Variants in PARD3B observed in about 807,000 individuals in gnomAD.
PARD3B encodes the protein par-3 family cell polarity regulator beta.
A neutral mutation model predicts 130.2 loss-of-function variants in PARD3B; 103 were observed. The ratio of observed to expected loss-of-function variants is 0.79; its 90% CI spans 0.67 to 0.93. PARD3B has a LOEUF of 0.93. Among genes scored for constraint, PARD3B ranks in the 40% least tolerant of loss-of-function variants. The pLI is 0.00. For synonymous variants in PARD3B, 583 were observed against 553.2 expected (o/e 1.05, Z -0.76); for missense variants, 1,609 against 1,499.2 (o/e 1.07, Z -1.21).
chr2:205,189,316 A>G (rs535902620), intron 14 of PARD3B, among the ~76,000 whole-genome samples: 2 of 152,310 alleles, frequency 1.3e-5, no homozygotes, highest in Non-Finnish European at 2.9e-5. Flanking sequence ...ACAGTTCTTG[A>G]ACATTCATTG....
At chr2:205,362,772 C>T (rs1009272804) in intron 18 of PARD3B, among the ~76,000 whole-genome samples, 1 of 152,152 alleles carries the variant, frequency 6.6e-6, no homozygotes, top group Non-Finnish European at 1.5e-5. Context: ...AAATGAAGGG[C>T]AGAGGCAGAT....
At chr2:205,157,716 C>T (rs79641866) in intron 10 of PARD3B, among the ~76,000 whole-genome samples, 2,792 of 152,174 alleles carry the variant, frequency 0.018, 43 homozygotes, top group Middle Eastern at 0.088. Context: ...AGGAAGGAAC[C>T]GACCTAGAAT....
chr2:205,525,022 C>A lies in PARD3B; in HGVS notation c.3180+24991C>A, dbSNP rs574156712. ...GATACCCATCAAAACACTTAAACCT[C>A]GCCAGAATAAGAGATTTCTTAGTGA... On this transcript the variant is annotated intron_variant, in intron 21 of 22. Coordinates refer to ENST00000406610, the MANE Select transcript of PARD3B (RefSeq NM_001302769.2). The surrounding 1 kb of genome is among the most constrained non-coding windows in gnomAD (Gnocchi z 4.2). Among the ~76,000 whole-genome samples the A allele has an allele frequency of 1.3e-5, 2 of 152,176 alleles. No homozygotes were observed. Among genetic ancestry groups the A allele is most frequent in the Non-Finnish European group, 2.9e-5 (2 of 68,044 alleles).
chr2:204,571,386 C>G (rs1207429031), intron 1 of PARD3B, among the ~76,000 whole-genome samples: 2 of 152,206 alleles, frequency 1.3e-5, no homozygotes, highest in African/African-American at 4.8e-5. Flanking sequence ...GTACACATTT[C>G]TAAGTACTAA....
At chr2:205,536,259 A>T (rs2051852648) in intron 21 of PARD3B, among the ~76,000 whole-genome samples, 1 of 151,732 alleles carries the variant, frequency 6.6e-6, no homozygotes, top group Non-Finnish European at 1.5e-5. Flanking sequence ...TTGACTTTTG[A>T]TTTTTTAAGA....
chr2:205,118,483 A>C (rs1253803359), intron 6 of PARD3B, among the ~76,000 whole-genome samples: 1 of 152,212 alleles, frequency 6.6e-6, no homozygotes, highest in Non-Finnish European at 1.5e-5. Flanking sequence ...CTTAAAATGC[A>C]AATTTTTAGA....
intron 2 of PARD3B, among the ~76,000 whole-genome samples, chr2:204,914,814 G>A (rs964646168): frequency 1.3e-5 from 2 of 152,148 alleles, no homozygotes; most frequent in African/African-American, 4.8e-5. Context: ...TGGCCCACGC[G>A]GTGGTGCCTG....
At chr2:204,805,002 CA>C (rs2042712882) in intron 2 of PARD3B, among the ~76,000 whole-genome samples, 2 of 150,810 alleles carry the variant, frequency 1.3e-5, no homozygotes, top group Non-Finnish European at 3.0e-5. Flanking sequence ...CAGCCATCTT[CA>C]AATAAACAAC....
intron 21 of PARD3B, among the ~76,000 whole-genome samples, chr2:205,534,533 A>G (rs1433169588): frequency 2.6e-5 from 4 of 151,912 alleles, no homozygotes; most frequent in Admixed American, 6.6e-5. Context: ...TAGTGGCATG[A>G]TCTCAGCTCA....
chr2:204,845,967 G>A (rs2044448262), intron 2 of PARD3B, among the ~76,000 whole-genome samples: 1 of 152,058 alleles, frequency 6.6e-6, no homozygotes, highest in Non-Finnish European at 1.5e-5. Flanking sequence ...ACAAGAGCCA[G>A]ATTGAGAAAG....
chr2:205,598,350 C>G (rs1465497501), intron 22 of PARD3B, among the ~76,000 whole-genome samples: 1 of 151,362 alleles, frequency 6.6e-6, no homozygotes, highest in Non-Finnish European at 1.5e-5. Flanking sequence ...GAATGAACAA[C>G]CATCAGAAAG....
At chr2:205,042,673 A>G (rs1022182827) in intron 3 of PARD3B, among the ~76,000 whole-genome samples, 1 of 152,072 alleles carries the variant, frequency 6.6e-6, no homozygotes, top group African/African-American at 2.4e-5. Flanking sequence ...GTGTTCTCCA[A>G]TAAGCCACGT....
chr2:204,683,296 G>A (rs1180486548), intron 1 of PARD3B, among the ~76,000 whole-genome samples: 1 of 152,090 alleles, frequency 6.6e-6, no homozygotes, highest in East Asian at 1.9e-4. Context: ...GCAATATAAA[G>A]GCAAGTTAAG....
intron 22 of PARD3B, among the ~76,000 whole-genome samples, chr2:205,609,523 C>CA (rs1453583013): frequency 6.6e-6 from 1 of 151,860 alleles, no homozygotes; most frequent in Non-Finnish European, 1.5e-5. Context: ...CAATTATTAC[C>CA]AAAAAAGGAA....
At chr2:205,093,668 CACT>C (rs781109179) in intron 4 of PARD3B, among the ~76,000 whole-genome samples, 17 of 152,144 alleles carry the variant, frequency 1.1e-4, no homozygotes, top group South Asian at 4.1e-4. Context: ...AGATAAAAAC[CACT>C]GCCTGCCTAC....
At chr2:205,449,228 C>CTT (rs1231722647) in intron 20 of PARD3B, among the ~76,000 whole-genome samples, 1 of 143,772 alleles carries the variant, frequency 7.0e-6, no homozygotes. Context: ...TTAGAGACCG[C>CTT]TTTTTTTTTT....
At chr2:204,852,525 A>C (rs550148390) in intron 2 of PARD3B, among the ~76,000 whole-genome samples, 1 of 150,816 alleles carries the variant, frequency 6.6e-6, no homozygotes, top group African/African-American at 2.5e-5. Context: ...GAAGTAAAAA[A>C]ATTTTGAATT....
intron 2 of PARD3B, among the ~76,000 whole-genome samples, chr2:204,711,402 TAA>T (rs2038427514): frequency 6.6e-6 from 1 of 152,160 alleles, no homozygotes; most frequent in South Asian, 2.1e-4. Context: ...GAACAGATAA[TAA>T]AGTTTTTCTA....
intron 2 of PARD3B, among the ~76,000 whole-genome samples, chr2:204,860,408 T>C (rs1470269037): frequency 1.3e-5 from 2 of 152,178 alleles, no homozygotes; most frequent in Non-Finnish European, 2.9e-5. Context: ...GCCTGGACGC[T>C]GAAGCAGAGC....
Sources: gnomAD v4.1 joint callset for allele counts (sites outside exome capture counted in the v4.1 genomes callset) on GRCh38, gnomAD v4.1.1 for gene constraint, Gnocchi (gnomAD v3.1) non-coding constraint, MANE v1.5 for transcripts, NCBI Gene and HGNC (gene_info 2026-07-23, HGNC 2026-07-21) for gene names.